The following RBFOX3 variants were observed in gnomAD, a reference collection of about 807,000 sequenced individuals.
RBFOX3 encodes the protein RNA binding protein fox-1 homolog 3.
RBFOX3 carries 17 observed loss-of-function variants against 48.7 expected under a neutral mutation model. The ratio of observed to expected loss-of-function variants is 0.35; its 90% CI spans 0.24 to 0.52. The LOEUF (loss-of-function observed/expected upper bound fraction) is 0.52, where lower values mean the gene tolerates loss of function less well. Among genes scored for constraint, RBFOX3 ranks in the 20% least tolerant of loss-of-function variants. The probability of loss-of-function intolerance (pLI) is 0.94; values close to 1 mark genes in which losing one functional copy is unlikely to be tolerated. For synonymous variants in RBFOX3, 212 were observed against 209.5 expected, an observed-to-expected ratio of 1.01 and a Z score of -0.10; for missense variants, 382 against 497.5, an observed-to-expected ratio of 0.77 and a Z score of 2.21.
chr17:79,429,986 C>T (rs184943189), intron 2 of RBFOX3, among the ~76,000 whole-genome samples: 1 of 152,158 alleles, frequency 6.6e-6, no homozygotes, highest in African/African-American at 2.4e-5. Flanking sequence ...GGATGCAAGC[C>T]CCCAGCACAT....
At chr17:79,401,101 T>C (rs2062743402) in intron 2 of RBFOX3, among the ~76,000 whole-genome samples, 1 of 152,234 alleles carries the variant, frequency 6.6e-6, no homozygotes, top group African/African-American at 2.4e-5. Flanking sequence ...TGCAGAGCAG[T>C]CAGCCACGCT....
Position 79,090,873 on chromosome 17 carries a change from G to A in RBFOX3, c.*10C>T. ...CCCTTCATGGTCCGAGAAGGAAACG[G>A]TGGAAGGTTTCACTACAACAGAAAC... On this transcript the variant is annotated 3_prime_UTR_variant, in exon 15 of 15. Coordinates refer to ENST00000693108, the MANE Select transcript of RBFOX3 (RefSeq NM_001350451.2). The A allele has an allele frequency of 6.5e-7, 1 of 1,532,596 alleles. No homozygotes were observed. 94.9% of individuals were successfully genotyped at this position (1,532,596 alleles called of 1,614,324 possible).
intron 2 of RBFOX3, among the ~76,000 whole-genome samples, chr17:79,429,001 C>T (rs2067921066): frequency 6.6e-6 from 1 of 152,202 alleles, no homozygotes; most frequent in Non-Finnish European, 1.5e-5. Flanking sequence ...CCGACTCTTC[C>T]CCTGCCAGTG....
At chr17:79,405,408 T>G (rs63412460) in intron 2 of RBFOX3, among the ~76,000 whole-genome samples, 1 of 182 alleles carries the variant, frequency 5.5e-3, no homozygotes, top group Admixed American at 0.1. Flanking sequence ...TTTGTTTACA[T>G]TTTTTTTTTC....
chr17:79,585,285 A>T (rs2093211621), intron 1 of RBFOX3, among the ~76,000 whole-genome samples: 1 of 152,080 alleles, frequency 6.6e-6, no homozygotes, highest in South Asian at 2.1e-4. Context: ...AGGCCAGATG[A>T]TGGCTCACGC....
intron 4 of RBFOX3, among the ~76,000 whole-genome samples, chr17:79,118,988 A>AT (rs1405614099): frequency 6.8e-6 from 1 of 147,368 alleles, no homozygotes; most frequent in Non-Finnish European, 1.5e-5. Flanking sequence ...AAAAAAAAAA[A>AT]AAAAATAAAG....
At chr17:79,259,710 C>G (rs1326107607) in intron 3 of RBFOX3, among the ~76,000 whole-genome samples, 2 of 152,088 alleles carry the variant, frequency 1.3e-5, no homozygotes, top group Non-Finnish European at 2.9e-5. Context: ...ATCCTGCGTT[C>G]CCCGGGAGCC....
At position 79,130,316 on chromosome 17, in the gene RBFOX3, C is replaced by T. The variant is rs550638674; in HGVS notation, c.-33-14568G>A. ...AGATCAAGAGCCTGCCCCCGCCCCTCAGACCTAGAGGGGCTTCAGGGATCA... is the reference window on the plus strand; with the variant it reads ...AGATCAAGAGCCTGCCCCCGCCCCTTAGACCTAGAGGGGCTTCAGGGATCA... On this transcript the variant is annotated intron_variant, in intron 4 of 14. Coordinates refer to ENST00000693108, the MANE Select transcript of RBFOX3 (RefSeq NM_001350451.2). Among the ~76,000 whole-genome samples, 5 of 152,310 alleles carry T rather than the reference C, an allele frequency of 3.3e-5. No individual in the cohort carries two copies. In the East Asian group the frequency reaches 9.7e-4, roughly 29 times the overall value.
In RBFOX3 at chr17:79,214,775, C is replaced by T. The variant is rs2058806235; in HGVS notation, c.-34+20991G>A. On this transcript the variant is annotated intron_variant, in intron 4 of 14. Transcript: ENST00000693108. This position sits in a 1 kb window ranked among gnomAD's most constrained non-coding sequence, Gnocchi z 4.7. ...GGAAACAGACACTAAATCCTCATTA[C>T]AAGGCTTGTTAAATGCACAGACAGG... is the stretch of plus-strand genomic sequence containing the variant. 3.9e-5 allele frequency among the ~76,000 whole-genome samples: 6 copies of T among 152,262 alleles called. No individual in the cohort carries two copies.
chr17:79,390,200 C>A lies in RBFOX3; in HGVS notation c.-174-82376G>T, dbSNP rs1377725989. ...GTTCTGAGGTGTCCAACCTCCGGGA[C>A]GCTGCACTGACTTTCAAGTGCCCAG... On this transcript the variant is annotated intron_variant, in intron 2 of 14. Transcript: ENST00000693108. This position sits in a 1 kb window ranked among gnomAD's most constrained non-coding sequence, Gnocchi z 4.2. Among the ~76,000 whole-genome samples the A allele has an allele frequency of 6.6e-6, 1 of 152,238 alleles. No homozygotes were observed. The highest frequency in any genetic ancestry group is 6.5e-5 in the Admixed American group (1 of 15,288).
chr17:79,336,473 T>C (rs1346073582), intron 2 of RBFOX3, among the ~76,000 whole-genome samples: 1 of 152,014 alleles, frequency 6.6e-6, no homozygotes, highest in Non-Finnish European at 1.5e-5. Flanking sequence ...CAACCGAGCT[T>C]CTGAAAAGCT....
rs953540799 is a variant in RBFOX3 at position 79,482,271 on chromosome 17, C to T, written c.-175+183G>A. Among the ~76,000 whole-genome samples the T allele has an allele frequency of 1.1e-4, 16 of 152,202 alleles. No homozygotes were observed. In the East Asian group the frequency reaches 3.1e-3, roughly 29 times the overall value. On this transcript the variant is annotated intron_variant, in intron 2 of 14. Coordinates refer to ENST00000693108, the MANE Select transcript of RBFOX3 (RefSeq NM_001350451.2). The surrounding 1 kb of genome is among the most constrained non-coding windows in gnomAD (Gnocchi z 4.1). Reference sequence around the variant, plus strand: ...AAATTCTACCCCATACCTTCTTGGGCGTCCGTCGATGTTCCCCCTCCTACT... The same window carrying T: ...AAATTCTACCCCATACCTTCTTGGGTGTCCGTCGATGTTCCCCCTCCTACT...
At chr17:79,101,740 G>A in intron 8 of RBFOX3, 96 bp from the exon 9 acceptor site, 1 of 1,090,908 alleles carries the variant, frequency 9.2e-7, no homozygotes, top group Non-Finnish European at 1.4e-6. Context: ...TTAGCCCCCG[G>A]CACCCCCCGC....
At chr17:79,155,506 G>A (rs1306149849) in intron 4 of RBFOX3, among the ~76,000 whole-genome samples, 1 of 152,224 alleles carries the variant, frequency 6.6e-6, no homozygotes, top group Admixed American at 6.5e-5. Flanking sequence ...TCTGCATTCA[G>A]CCGACTTCAT....
chr17:79,545,943 T>C (rs1346076127), intron 1 of RBFOX3, among the ~76,000 whole-genome samples: 2 of 152,220 alleles, frequency 1.3e-5, no homozygotes, highest in Non-Finnish European at 2.9e-5. Context: ...AGACTGTGTG[T>C]GTGTGCACGT....
the RBFOX3 span, among the ~76,000 whole-genome samples, chr17:79,625,268 C>T: frequency 2.6e-5 from 4 of 152,162 alleles, no homozygotes; most frequent in East Asian, 7.7e-4. Context: ...ACAGTACATA[C>T]TTCTTTGTTG....
intron 1 of RBFOX3, among the ~76,000 whole-genome samples, chr17:79,606,687 A>C (rs2093838174): frequency 6.6e-6 from 1 of 152,194 alleles, no homozygotes; most frequent in South Asian, 2.1e-4. Context: ...GTATTTCTTG[A>C]AGGGAGGTGA....
intron 4 of RBFOX3, among the ~76,000 whole-genome samples, chr17:79,122,885 A>C (rs1455720401): frequency 6.6e-6 from 1 of 152,206 alleles, no homozygotes; most frequent in East Asian, 1.9e-4. Flanking sequence ...AAAAAAAATG[A>C]GGGCCTGTCA....
At chr17:79,546,244 A>T (rs1375477378) in intron 1 of RBFOX3, among the ~76,000 whole-genome samples, 1 of 152,118 alleles carries the variant, frequency 6.6e-6, no homozygotes, top group African/African-American at 2.4e-5. Flanking sequence ...AAACCCCAGG[A>T]CGCTCTCCCA....
Sources: gnomAD v4.1 joint callset for allele counts (sites outside exome capture counted in the v4.1 genomes callset) on GRCh38, gnomAD v4.1.1 for gene constraint, Gnocchi (gnomAD v3.1) non-coding constraint, MANE v1.5 for transcripts, NCBI Gene and HGNC (gene_info 2026-07-23, HGNC 2026-07-21) for gene names.